Variants in SYN1 observed in about 807,000 individuals in gnomAD.
The protein encoded by SYN1 is synapsin-1.
A neutral mutation model predicts 44.6 loss-of-function variants in SYN1; 8 were observed. The ratio of observed to expected loss-of-function variants is 0.18; its 90% CI spans 0.11 to 0.32. SYN1 has a LOEUF of 0.32. Ranked by LOEUF, SYN1 falls within the 10% of genes least tolerant of loss-of-function variation. The pLI is 1.00. For synonymous variants in SYN1, 275 were observed against 280.1 expected, an observed-to-expected ratio of 0.98 and a Z score of 0.18; for missense variants, 451 against 639.4, an observed-to-expected ratio of 0.71 and a Z score of 3.18.
chrX:47,576,100 C>T, intron 9 of SYN1, 31 bp downstream of exon 9: 1 of 1,167,978 alleles, frequency 8.6e-7, no homozygotes, highest in Non-Finnish European at 1.2e-6. Context: ...CTGTTCCTCC[C>T]TCTACCCCAC....
At chrX:47,589,594 T>G (rs1420668166) in intron 5 of SYN1, among the ~76,000 whole-genome samples, 1 of 68,705 alleles carries the variant, frequency 1.5e-5, no homozygotes, top group Non-Finnish European at 2.6e-5. Context: ...AGACTCCGTC[T>G]CAAAAAAAAA....
In SYN1 at chrX:47,599,070, G is replaced by A. The variant is rs1425083280; in HGVS notation, c.774+5908C>T. Among the ~76,000 whole-genome samples the A allele has an allele frequency of 2.7e-5, 3 of 109,503 alleles. No individual in the cohort carries two copies. In the Admixed American group the frequency reaches 2.9e-4, roughly 11 times the overall value. Reference sequence around the variant, plus strand: ...TTAAAAAAATGAATAAAAGACATAGGGAAGAAATAACAGAAAAATTAAAAA... The same window carrying A: ...TTAAAAAAATGAATAAAAGACATAGAGAAGAAATAACAGAAAAATTAAAAA... On this transcript the variant is annotated intron_variant, in intron 5 of 12. Coordinates refer to ENST00000295987, the MANE Select transcript of SYN1 (RefSeq NM_006950.3).
intron 1 of SYN1, among the ~76,000 whole-genome samples, chrX:47,616,904 G>T (rs556830245): frequency 9.1e-6 from 1 of 110,480 alleles, no homozygotes; most frequent in South Asian, 3.8e-4. Context: ...GGGGAATTGG[G>T]ACTACAAAAA....
At chrX:47,579,150 A>G (rs904027998) in intron 5 of SYN1, among the ~76,000 whole-genome samples, 38 of 111,597 alleles carry the variant, frequency 3.4e-4, no homozygotes, top group African/African-American at 1.2e-3. Context: ...ACTCTTAGCA[A>G]TGGACACACA....
rs1449904539 is a variant in SYN1 at position 47,572,993 on chromosome X, G to T, written c.1989C>A (p.Ser663=). The T allele has an allele frequency of 8.3e-7, 1 of 1,211,371 alleles. No individual in the cohort carries two copies. The highest frequency in any genetic ancestry group is 1.1e-6 in the Non-Finnish European group (1 of 895,317). Residue 663 remains serine (S), a synonymous_variant, in exon 13 of 13, where the codon TCC becomes TCA. Coordinates refer to ENST00000295987, the MANE Select transcript of SYN1 (RefSeq NM_006950.3). Reference sequence around the variant, plus strand: ...GGTTGAAGGCATTGGTCAGAGACTGGGATTTGCTAGAGAGAGACAAGGTGG... The same window carrying T: ...GGTTGAAGGCATTGGTCAGAGACTGTGATTTGCTAGAGAGAGACAAGGTGG... ...GGPPHPQLNK[S]QSLTNAFNLP... is the part of the protein sequence containing the mutation.
At chrX:47,597,665 G>C (rs1183593603) in intron 5 of SYN1, among the ~76,000 whole-genome samples, 1 of 111,743 alleles carries the variant, frequency 8.9e-6, no homozygotes, top group Non-Finnish European at 1.9e-5. Flanking sequence ...TTGATTTAAA[G>C]CATTAATCTA....
At chrX:47,593,106 GCT>G (rs1175515621) in intron 5 of SYN1, among the ~76,000 whole-genome samples, 1 of 110,520 alleles carries the variant, frequency 9.0e-6, no homozygotes, top group African/African-American at 3.3e-5. Flanking sequence ...TGTTGACCAG[GCT>G]GGTCTTGAAC....
intron 1 of SYN1, among the ~76,000 whole-genome samples, chrX:47,608,041 A>C (rs768884388): frequency 9.3e-6 from 1 of 107,428 alleles, no homozygotes; most frequent in Admixed American, 1.0e-4. Context: ...CAAAAAACCC[A>C]AAAAACAAAA....
At position 47,585,358 on chromosome X, in the gene SYN1, C is replaced by T. The variant is rs761337197; in HGVS notation, c.775-7857G>A. ...TGAGGCACCGTCCCCGCGCCCTGTG[C>T]CACACCAACCAGTCCCTGGGGCGCG... On this transcript the variant is annotated intron_variant, in intron 5 of 12. Coordinates refer to ENST00000295987, the MANE Select transcript of SYN1 (RefSeq NM_006950.3). 2.5e-6 allele frequency: 3 copies of T among 1,210,135 alleles called. No homozygotes were observed. In the Admixed American group the frequency reaches 6.5e-5, roughly 26 times the overall value.
At chrX:47,573,256 G>A (rs901010255) in intron 12 of SYN1, among the ~76,000 whole-genome samples, 1 of 111,712 alleles carries the variant, frequency 9.0e-6, no homozygotes, top group Non-Finnish European at 1.9e-5. Flanking sequence ...TTGGATCCAG[G>A]GTGAAGTGTG....
At chrX:47,602,013 G>A (rs922390289) in intron 5 of SYN1, among the ~76,000 whole-genome samples, 1 of 112,237 alleles carries the variant, frequency 8.9e-6, no homozygotes, top group Non-Finnish European at 1.9e-5. Flanking sequence ...ATCCTTTCAC[G>A]ACAAAAATAC....
chrX:47,581,078 C>T (rs1327313281), intron 5 of SYN1, among the ~76,000 whole-genome samples: 2 of 111,569 alleles, frequency 1.8e-5, no homozygotes, highest in East Asian at 5.6e-4. Flanking sequence ...CCTCACATTC[C>T]TCCCACCCAG....
Position 47,605,398 on chromosome X carries a change from G to A in SYN1, c.528-19C>T, listed in dbSNP as rs190935498. 426 of 1,206,662 alleles carry A rather than the reference G, an allele frequency of 3.5e-4. 3 individuals are homozygous for A. In the African/African-American group the frequency reaches 6.5e-3, roughly 18 times the overall value. ...CAGAGACCTAGTGTGGCAGGGGTAGGAGTGTTGAGAGTTCCCCCAGAAGCT... is the reference window on the plus strand; with the variant it reads ...CAGAGACCTAGTGTGGCAGGGGTAGAAGTGTTGAGAGTTCCCCCAGAAGCT... On this transcript the variant is annotated intron_variant, in intron 3 of 12. Transcript: ENST00000295987.
At chrX:47,594,729 C>CTTTTCT (rs1556859835) in intron 5 of SYN1, among the ~76,000 whole-genome samples, 19 of 94,010 alleles carry the variant, frequency 2.0e-4, no homozygotes, top group Non-Finnish European at 3.8e-4. Flanking sequence ...CTTTTCTTTT[C>CTTTTCT]TTTTTTTTTT....
Position 47,585,941 on chromosome X carries a change from C to T in SYN1, c.775-8440G>A, listed in dbSNP as rs756982376. 6 of 1,093,336 alleles carry T rather than the reference C, an allele frequency of 5.5e-6. No individual in the cohort carries two copies. The South Asian group carries it at 1.2e-4, about 22-fold the overall frequency. The allele number at this position is 1,093,336 out of a possible 1,213,427, so 90.1% of individuals were successfully genotyped here. A position where few individuals can be genotyped will look rare whatever the true frequency, so the allele number is the denominator to read the frequency against. ...CCCTTGTGACTATTCTGTAATCCCA[C>T]TCCCCGTTCCTGAGCCCCCGGGATT... On this transcript the variant is annotated intron_variant, in intron 5 of 12. Coordinates refer to ENST00000295987, the MANE Select transcript of SYN1 (RefSeq NM_006950.3).
At chrX:47,596,547 G>C (rs2057864134) in intron 5 of SYN1, among the ~76,000 whole-genome samples, 1 of 112,380 alleles carries the variant, frequency 8.9e-6, no homozygotes, top group Non-Finnish European at 1.9e-5. Flanking sequence ...TGCACATAGA[G>C]CCCATCAGCA....
At chrX:47,576,006 C>T (rs771531646) in intron 9 of SYN1, 125 bp downstream of exon 9, 354 of 724,076 alleles carry the variant, frequency 4.9e-4, no homozygotes, top group South Asian at 1.7e-3. Context: ...CGTCAGGCAC[C>T]TTACAGTGTA....
At chrX:47,611,715 C>A (rs1441638401) in intron 1 of SYN1, among the ~76,000 whole-genome samples, 1 of 111,444 alleles carries the variant, frequency 9.0e-6, no homozygotes, top group Non-Finnish European at 1.9e-5. Flanking sequence ...GCAAGATGAG[C>A]AAGAGAGGGT....
At chrX:47,611,973 T>C (rs1037064351) in intron 1 of SYN1, among the ~76,000 whole-genome samples, 3 of 111,674 alleles carry the variant, frequency 2.7e-5, no homozygotes, top group African/African-American at 9.8e-5. Context: ...ACACAAATAA[T>C]GCTCTGACCC....
Sources: gnomAD v4.1 joint callset for allele counts (sites outside exome capture counted in the v4.1 genomes callset) on GRCh38, gnomAD v4.1.1 for gene constraint, MANE v1.5 for transcripts, NCBI Gene and HGNC (gene_info 2026-07-23, HGNC 2026-07-21) for gene names.